PDE4D: variants seen among roughly 807,000 people sequenced by gnomAD.
The protein encoded by PDE4D is 3',5'-cyclic-AMP phosphodiesterase 4D.
A neutral mutation model predicts 87.4 loss-of-function variants in PDE4D; 24 were observed. The observed-to-expected ratio is 0.27, with a 90% CI of 0.20 to 0.39. The LOEUF (loss-of-function observed/expected upper bound fraction) is 0.39, where lower values mean the gene tolerates loss of function less well. PDE4D is among the 10% of genes least tolerant of loss of function. PDE4D has a pLI of 1.00. For synonymous variants in PDE4D, 384 were observed against 383.2 expected, an observed-to-expected ratio of 1.00 and a Z score of -0.02; for missense variants, 714 against 1,041.0, an observed-to-expected ratio of 0.69 and a Z score of 4.32.
chr5:60,047,360 T>C (rs1195405315), intron 2 of PDE4D, among the ~76,000 whole-genome samples: 32 of 152,200 alleles, frequency 2.1e-4, no homozygotes, highest in Non-Finnish European at 1.5e-5. Flanking sequence ...TTTGTGTCAC[T>C]ATTTCCTTCA....
chr5:59,299,532 A>G (rs891995683), intron 1 of PDE4D, among the ~76,000 whole-genome samples: 2 of 152,172 alleles, frequency 1.3e-5, no homozygotes, highest in African/African-American at 4.8e-5. Flanking sequence ...AAACCAATAC[A>G]TGTCTCTTCC....
chr5:60,014,172 G>A (rs1330530041), intron 2 of PDE4D, among the ~76,000 whole-genome samples: 1 of 151,554 alleles, frequency 6.6e-6, no homozygotes, highest in African/African-American at 2.4e-5. Flanking sequence ...TCCACATAGA[G>A]GCCATATGGA....
chr5:59,180,745 AT>A, intron 4 of PDE4D, 101 bp from the exon 5 acceptor site: 2 of 1,160,240 alleles, frequency 1.7e-6, no homozygotes, highest in Non-Finnish European at 2.5e-6. Flanking sequence ...TTAAAGAATT[AT>A]TTTTAAGTTT....
intron 1 of PDE4D, among the ~76,000 whole-genome samples, chr5:59,465,568 T>C (rs1217931211): frequency 6.6e-6 from 1 of 152,198 alleles, no homozygotes; most frequent in Non-Finnish European, 1.5e-5. Context: ...ATTTCTCCAT[T>C]AAAGTTGGAG....
intron 1 of PDE4D, among the ~76,000 whole-genome samples, chr5:60,304,517 C>A (rs1409911754): frequency 6.6e-6 from 1 of 151,118 alleles, no homozygotes; most frequent in Non-Finnish European, 1.5e-5. Context: ...CGGTGGCGGG[C>A]GCCTGTAGTC....
chr5:59,644,137 G>T (rs1386907491), intron 1 of PDE4D, among the ~76,000 whole-genome samples: 2 of 152,148 alleles, frequency 1.3e-5, no homozygotes, highest in African/African-American at 4.8e-5. Context: ...TACAGGGCAG[G>T]CCTGAGCTTT....
chr5:60,208,793 A>T (rs1338345528), intron 1 of PDE4D, among the ~76,000 whole-genome samples: 1 of 152,234 alleles, frequency 6.6e-6, no homozygotes, highest in Non-Finnish European at 1.5e-5. Flanking sequence ...TAGCAATGGC[A>T]CCAGGCTGCC....
At chr5:59,881,764 C>T (rs769747751) in intron 1 of PDE4D, among the ~76,000 whole-genome samples, 2 of 151,912 alleles carry the variant, frequency 1.3e-5, no homozygotes, top group African/African-American at 4.8e-5. Context: ...AAGAAATTGG[C>T]CTTATCAATA....
chr5:60,391,368 G>A lies in PDE4D; in HGVS notation c.-90+96574C>T, dbSNP rs147854141. Among the ~76,000 whole-genome samples, 909 of 152,226 alleles carry A rather than the reference G, an allele frequency of 6.0e-3. 6 individuals are homozygous for A. Among genetic ancestry groups the A allele is most frequent in the African/African-American group, 0.021 (876 of 41,534 alleles). Reference sequence around the variant, plus strand: ...CTGCTACTTTAACAAATTACCATTAGTGGCATAAAACAACAAAAGTTTATC... The same window carrying A: ...CTGCTACTTTAACAAATTACCATTAATGGCATAAAACAACAAAAGTTTATC... On this transcript the variant is annotated intron_variant, in intron 1 of 16. Transcript: ENST00000502484.
chr5:59,468,302 C>T (rs1801904278), intron 1 of PDE4D, among the ~76,000 whole-genome samples: 1 of 151,040 alleles, frequency 6.6e-6, no homozygotes, highest in Admixed American at 6.6e-5. Context: ...TTACCAGTAT[C>T]TGGTATGGTG....
intron 2 of PDE4D, among the ~76,000 whole-genome samples, chr5:60,168,807 A>C (rs1007440426): frequency 6.6e-5 from 10 of 152,196 alleles, no homozygotes; most frequent in African/African-American, 1.2e-4. Flanking sequence ...TTAGATTTGC[A>C]ATTGACTGAA....
At chr5:59,143,442 T>C (rs527511417) in intron 5 of PDE4D, among the ~76,000 whole-genome samples, 1 of 152,326 alleles carries the variant, frequency 6.6e-6, no homozygotes, top group South Asian at 2.1e-4. Flanking sequence ...TAAGAGGTTG[T>C]GGAGTCAGCC....
intron 1 of PDE4D, among the ~76,000 whole-genome samples, chr5:59,786,598 A>G (rs1275284182): frequency 6.6e-6 from 1 of 152,206 alleles, no homozygotes; most frequent in Non-Finnish European, 1.5e-5. Flanking sequence ...TTTAACAGGG[A>G]CTTTAGGCGA....
intron 6 of PDE4D, among the ~76,000 whole-genome samples, chr5:58,994,976 A>G (rs947579238): frequency 7.6e-6 from 1 of 131,050 alleles, no homozygotes; most frequent in Non-Finnish European, 1.5e-5. Flanking sequence ...AAGTGTTCTC[A>G]TTGTTCAATT....
chr5:59,960,976 T>C (rs747172500), intron 3 of PDE4D, among the ~76,000 whole-genome samples: 6 of 152,228 alleles, frequency 3.9e-5, no homozygotes, highest in Non-Finnish European at 8.8e-5. Flanking sequence ...TCTGGCACTA[T>C]AGGCTCTCAA....
At chr5:60,056,475 C>T (rs75541592) in intron 2 of PDE4D, among the ~76,000 whole-genome samples, 4,378 of 152,010 alleles carry the variant, frequency 0.029, 205 homozygotes, top group African/African-American at 0.1. Context: ...CTAGATTTCC[C>T]CGCAAATTTA....
In PDE4D at chr5:59,078,509, C is replaced by CTT. The variant is rs542270740; in HGVS notation, c.809-39540_809-39539dup. 5.4e-3 allele frequency among the ~76,000 whole-genome samples: 733 copies of CTT among 135,846 alleles called. 11 individuals carry two copies. The highest frequency in any genetic ancestry group is 0.019 in the African/African-American group (692 of 37,168). 89.1% of individuals were successfully genotyped at this position (135,846 alleles called of 152,430 possible). A position where few individuals can be genotyped will look rare whatever the true frequency, so the allele number is the denominator to read the frequency against. Reference sequence around the variant, plus strand: ...TGTAACAGTATTAAGAGGTAGGACTCTTTTTTTTTTTTTTTTGGTGACAGG... The same window carrying CTT: ...TGTAACAGTATTAAGAGGTAGGACTCTTTTTTTTTTTTTTTTTTGGTGACAGG... On this transcript the variant is annotated intron_variant, in intron 5 of 14. Transcript: ENST00000340635.
At chr5:59,504,897 GGTATATGTGTGTGTGTGT>G (rs1437778317) in intron 1 of PDE4D, among the ~76,000 whole-genome samples, 1 of 125,696 alleles carries the variant, frequency 8.0e-6, no homozygotes, top group African/African-American at 3.2e-5. Flanking sequence ...TCTTGGTAGG[GGTATATGTGTGTGTGTGT>G]GTGTGTGTGT....
chr5:59,897,397 A>C (rs1305185702), upstream of PDE4D, among the ~76,000 whole-genome samples: 1 of 152,178 alleles, frequency 6.6e-6, no homozygotes, highest in African/African-American at 2.4e-5. Context: ...TGAGATGGCA[A>C]GTGGCAGTAA....
Sources: gnomAD v4.1 joint callset for allele counts (sites outside exome capture counted in the v4.1 genomes callset) on GRCh38, gnomAD v4.1.1 for gene constraint, MANE v1.5 for transcripts, NCBI Gene and HGNC (gene_info 2026-07-23, HGNC 2026-07-21) for gene names.